Variants in ULK4 observed in about 807,000 individuals in gnomAD.
The protein encoded by ULK4 is unc-51 like kinase 4, also known as inactive serine/threonine-protein kinase ULK4.
A neutral mutation model predicts 160.6 loss-of-function variants in ULK4; 133 were observed. That is an observed-to-expected ratio of 0.83 (90% CI 0.72 to 0.96). The LOEUF (loss-of-function observed/expected upper bound fraction) is 0.96, where lower values mean the gene tolerates loss of function less well. Among genes scored for constraint, ULK4 ranks in the 40% least tolerant of loss-of-function variants. ULK4 has a pLI of 0.00. For synonymous variants in ULK4, 534 were observed against 539.8 expected (o/e 0.99, Z 0.15); for missense variants, 1,580 against 1,499.5 (o/e 1.05, Z -0.89).
At chr3:41,618,871 A>T (rs977185938) in intron 30 of ULK4, among the ~76,000 whole-genome samples, 1 of 152,166 alleles carries the variant, frequency 6.6e-6, no homozygotes, top group African/African-American at 2.4e-5. Flanking sequence ...TGCTGTATTC[A>T]GGAGACCCAT....
At chr3:41,921,994 A>C (rs1448884536) in intron 5 of ULK4, among the ~76,000 whole-genome samples, 1 of 151,820 alleles carries the variant, frequency 6.6e-6, no homozygotes, top group African/African-American at 2.4e-5. Context: ...TCTCTACTAA[A>C]AACAGAAAAT....
intron 22 of ULK4, among the ~76,000 whole-genome samples, chr3:41,722,458 G>A (rs977996116): frequency 6.6e-6 from 1 of 151,912 alleles, no homozygotes; most frequent in Middle Eastern, 3.2e-3. Context: ...GAGAAACCCC[G>A]TCTCCACCAA....
At chr3:41,779,702 G>A (rs2039750742) in intron 21 of ULK4, among the ~76,000 whole-genome samples, 1 of 43,762 alleles carries the variant, frequency 2.3e-5, no homozygotes, top group African/African-American at 1.4e-4. Context: ...GGATGAAATT[G>A]GAAACCATCA....
At chr3:41,395,773 A>G (rs1430633788) in intron 35 of ULK4, among the ~76,000 whole-genome samples, 5 of 152,178 alleles carry the variant, frequency 3.3e-5, no homozygotes, top group African/African-American at 1.2e-4. Flanking sequence ...TTCTAGTGAT[A>G]AATTTTATGC....
chr3:41,310,469 T>C (rs72863466), intron 35 of ULK4, among the ~76,000 whole-genome samples: 2,291 of 152,022 alleles, frequency 0.015, 73 homozygotes, highest in African/African-American at 0.052. Flanking sequence ...AGGCAGGGTG[T>C]GGGGAAAATC....
At chr3:41,462,949 C>T in intron 33 of ULK4, 138 bp downstream of exon 33, 1 of 1,064,426 alleles carries the variant, frequency 9.4e-7, no homozygotes, top group Non-Finnish European at 1.3e-6. Context: ...GATGACTCTT[C>T]AGAAGACACT....
intron 25 of ULK4, among the ~76,000 whole-genome samples, chr3:41,714,482 A>G (rs1171943338): frequency 1.3e-5 from 2 of 152,174 alleles, no homozygotes; most frequent in Non-Finnish European, 2.9e-5. Context: ...ATATCAAAGT[A>G]AGACTGGAGA....
intron 32 of ULK4, among the ~76,000 whole-genome samples, chr3:41,515,356 T>C (rs761646971): frequency 2.6e-5 from 4 of 152,096 alleles, no homozygotes; most frequent in South Asian, 2.1e-4. Flanking sequence ...TATATTCATA[T>C]AATAGAATAC....
chr3:41,557,323 A>T (rs1254396062), intron 32 of ULK4, among the ~76,000 whole-genome samples: 2 of 151,422 alleles, frequency 1.3e-5, no homozygotes, highest in Non-Finnish European at 2.9e-5. Context: ...CATCATAAAA[A>T]TTGGAAAGAA....
chr3:41,584,696 C>T lies in ULK4; in HGVS notation c.3121-18566G>A, dbSNP rs141806012. Among the ~76,000 whole-genome samples the T allele has an allele frequency of 3.4e-4, 51 of 152,186 alleles. 1 individual carries two copies. The highest frequency in any genetic ancestry group is 1.2e-3 in the African/African-American group (51 of 41,514). ...CACACTAAAAATAGGGTACTTTATTCACTTCCCTCAATCTAAGACAGATGA... is the reference window on the plus strand; with the variant it reads ...CACACTAAAAATAGGGTACTTTATTTACTTCCCTCAATCTAAGACAGATGA... On this transcript the variant is annotated intron_variant, in intron 31 of 36. Coordinates refer to ENST00000301831, the MANE Select transcript of ULK4 (RefSeq NM_017886.4).
At chr3:41,906,579 C>T (rs372780554) in intron 12 of ULK4, among the ~76,000 whole-genome samples, 22 of 151,850 alleles carry the variant, frequency 1.4e-4, no homozygotes, top group African/African-American at 4.8e-4. Flanking sequence ...CAATTCCACT[C>T]CCAAATATTC....
intron 32 of ULK4, among the ~76,000 whole-genome samples, chr3:41,506,805 T>TATATATATATATATATAC (rs1559658286): frequency 8.7e-6 from 1 of 114,360 alleles, no homozygotes; most frequent in African/African-American, 3.1e-5. Context: ...TATATATATA[T>TATATATATATATATATAC]ATGAACATGT....
chr3:41,254,669 G>A (rs572496077), intron 35 of ULK4, among the ~76,000 whole-genome samples: 13 of 152,182 alleles, frequency 8.5e-5, no homozygotes, highest in Admixed American at 3.3e-4. Context: ...ATAACTTGAG[G>A]TCAGGAGATT....
chr3:41,401,352 G>A (rs2082175053), intron 34 of ULK4, among the ~76,000 whole-genome samples: 1 of 151,898 alleles, frequency 6.6e-6, no homozygotes, highest in South Asian at 2.1e-4. Context: ...GTTTTGTTTT[G>A]CCACTGTGTA....
intron 31 of ULK4, among the ~76,000 whole-genome samples, chr3:41,587,566 A>G (rs2030917551): frequency 6.6e-6 from 1 of 152,144 alleles, no homozygotes; most frequent in South Asian, 2.1e-4. Context: ...ATAGGTAATC[A>G]GAAAAAAGCT....
chr3:41,600,833 T>C (rs2032015689), intron 31 of ULK4, among the ~76,000 whole-genome samples: 1 of 152,210 alleles, frequency 6.6e-6, no homozygotes. Flanking sequence ...TAGCAATGAT[T>C]GCCACAAGTC....
chr3:41,878,275 G>A (rs1196881580), intron 17 of ULK4, among the ~76,000 whole-genome samples: 1 of 152,114 alleles, frequency 6.6e-6, no homozygotes, highest in Non-Finnish European at 1.5e-5. Context: ...ATGTCAAAGG[G>A]AGAAAGGAGC....
At chr3:41,769,887 T>C (rs1418048820) in intron 21 of ULK4, among the ~76,000 whole-genome samples, 3 of 152,178 alleles carry the variant, frequency 2.0e-5, no homozygotes, top group Non-Finnish European at 4.4e-5. Context: ...AAAATCAATA[T>C]GTATAGCCTG....
chr3:41,395,192 A>AG (rs2082031387), intron 35 of ULK4, among the ~76,000 whole-genome samples: 1 of 52,228 alleles, frequency 1.9e-5, no homozygotes, highest in Non-Finnish European at 3.2e-5. Context: ...AAAGCACTCC[A>AG]AAAAAAAAAA....
Sources: allele counts gnomAD v4.1 joint callset (sites outside exome capture counted in the v4.1 genomes callset), GRCh38; gene constraint gnomAD v4.1.1; transcripts MANE v1.5; gene names NCBI Gene and HGNC (gene_info 2026-07-23, HGNC 2026-07-21).